The following NINL variants were observed in gnomAD, a reference collection of about 807,000 sequenced individuals.
NINL encodes ninein like.
Under a neutral mutation model 160.3 loss-of-function variants are expected in NINL, and 153 were observed. The observed-to-expected ratio is 0.95, with a 90% CI of 0.84 to 1.09. The LOEUF is 1.09. Among genes scored for constraint, NINL ranks in the 50% least tolerant of loss-of-function variants. The probability of loss-of-function intolerance (pLI) is 0.00; values close to 1 mark genes in which losing one functional copy is unlikely to be tolerated. For synonymous variants in NINL, 800 were observed against 734.8 expected (o/e 1.09, Z -1.43); for missense variants, 1,829 against 1,764.0 (o/e 1.04, Z -0.66).
chr20:25,515,890 C>T (rs2064152079), intron 3 of NINL, among the ~76,000 whole-genome samples: 1 of 152,182 alleles, frequency 6.6e-6, no homozygotes, highest in African/African-American at 2.4e-5. Flanking sequence ...CCTGCCTCGG[C>T]CTCCCAAGTG....
At position 25,558,733 on chromosome 20, in the gene NINL, C is replaced by A. The variant is rs557242112; in HGVS notation, c.-12+26722G>T. Among the ~76,000 whole-genome samples, 4 of 152,326 alleles carry A rather than the reference C, an allele frequency of 2.6e-5. No individual in the cohort carries two copies. The South Asian group carries it at 6.2e-4, about 24-fold the overall frequency. On this transcript the variant is annotated intron_variant, in intron 1 of 23. Coordinates refer to ENST00000278886, the MANE Select transcript of NINL (RefSeq NM_025176.6). ...CTTCCCACACCAAGGGACAAGAGGT[C>A]CTTGTTCCCTTCAGACTGTGTTTAG... is the stretch of plus-strand genomic sequence containing the variant.
intron 16 of NINL, among the ~76,000 whole-genome samples, chr20:25,478,232 G>A (rs1321307387): frequency 1.3e-5 from 2 of 152,164 alleles, no homozygotes; most frequent in South Asian, 2.1e-4. Context: ...ACAGGTGTGA[G>A]CCACCGCATC....
chr20:25,578,659 G>C (rs1295347468), intron 1 of NINL, among the ~76,000 whole-genome samples: 1 of 151,760 alleles, frequency 6.6e-6, no homozygotes, highest in Non-Finnish European at 1.5e-5. Context: ...CGGGCATGGT[G>C]GCGGGCGCAT....
At chr20:25,549,931 GA>G (rs369935599) in intron 1 of NINL, among the ~76,000 whole-genome samples, 106 of 152,304 alleles carry the variant, frequency 7.0e-4, no homozygotes, top group African/African-American at 2.5e-3. Context: ...TCTAAAAGGG[GA>G]AAACTTTTAG....
chr20:25,519,988 T>C (rs1226871610), intron 2 of NINL, among the ~76,000 whole-genome samples: 132 of 11,550 alleles, frequency 0.011, no homozygotes, highest in Admixed American at 0.026. Context: ...AGACCCCGTC[T>C]CAAAAAAAAA....
chr20:25,478,009 C>A (rs924387373), intron 16 of NINL, among the ~76,000 whole-genome samples: 1 of 147,112 alleles, frequency 6.8e-6, no homozygotes, highest in Admixed American at 7.0e-5. Flanking sequence ...AGTGCAATGG[C>A]GAGATCTCGG....
intron 1 of NINL, among the ~76,000 whole-genome samples, chr20:25,527,127 T>C (rs1265167732): frequency 6.6e-6 from 1 of 152,012 alleles, no homozygotes. Context: ...AAAACACTAC[T>C]ATTAATATTT....
intron 16 of NINL, 43 bp from the exon 17 acceptor site, chr20:25,477,132 C>CA (rs1258775101): frequency 6.6e-7 from 1 of 1,505,772 alleles, no homozygotes; most frequent in African/African-American, 1.4e-5. Flanking sequence ...CTGCCGCCCC[C>CA]AGCCCCTCTC....
At chr20:25,482,398 G>A (rs1012289314) in intron 13 of NINL, among the ~76,000 whole-genome samples, 1 of 152,198 alleles carries the variant, frequency 6.6e-6, no homozygotes, top group Non-Finnish European at 1.5e-5. Flanking sequence ...GAGTGCACTG[G>A]TGCAATCTCA....
chr20:25,458,448 C>A lies in NINL; in HGVS notation c.3778G>T (p.Ala1260Ser). ...AGGCTGAGCAGGCGATGCAGCTCGG[C>A]CACACGGTCCTGGGGCACCAGCCGG... ...EVRLVPQDRVAELHRLLSLQG... is the reference protein window; with the variant it reads ...EVRLVPQDRVSELHRLLSLQG... The change falls in exon 22 of 24, where the codon GCC becomes TCC. Residue 1260 changes from alanine to serine, a missense_variant. Physicochemically the swap from Ala to Ser is moderately conservative, Grantham distance 99 (BLOSUM62 1). Transcript: ENST00000278886. 1 of 1,605,598 alleles carries A rather than the reference C, an allele frequency of 6.2e-7. No homozygotes were observed.
At chr20:25,489,122 A>G (rs1041041911) in intron 13 of NINL, 122 bp downstream of exon 13, 1 of 968,376 alleles carries the variant, frequency 1.0e-6, no homozygotes, top group African/African-American at 1.6e-5. Flanking sequence ...GGCCATGGTC[A>G]AGCATGGCCG....
chr20:25,526,016 A>G (rs759300712), intron 2 of NINL, among the ~76,000 whole-genome samples: 5 of 152,202 alleles, frequency 3.3e-5, no homozygotes, highest in Non-Finnish European at 5.9e-5. Flanking sequence ...GAAATTGTGT[A>G]AGACAATCTG....
At chr20:25,523,604 T>C (rs2064301151) in intron 2 of NINL, among the ~76,000 whole-genome samples, 2 of 151,942 alleles carry the variant, frequency 1.3e-5, no homozygotes, top group South Asian at 2.1e-4. Context: ...TAATATCATA[T>C]ATGATAGTTA....
intron 17 of NINL, among the ~76,000 whole-genome samples, chr20:25,472,323 G>GGATA (rs2063114387): frequency 5.5e-5 from 3 of 54,628 alleles, no homozygotes; most frequent in South Asian, 7.4e-4. Flanking sequence ...TGGGAGGAGA[G>GGATA]GATATATATA....
At position 25,470,035 on chromosome 20, in the gene NINL, A is replaced by G; in HGVS notation, c.3309T>C (p.Val1103=). The G allele has an allele frequency of 1.2e-6, 2 of 1,614,168 alleles. No individual in the cohort carries two copies. Among genetic ancestry groups the G allele is most frequent in the East Asian group, 4.5e-5 (2 of 44,880 alleles). ...NTLLKNDLGR[V]RQELEAAEST... Reference sequence around the variant, plus strand: ...TTTCTGCAGCTTCAAGCTCTTGCCGAACCCTTCCCAGATCGTTTTTCAACA... The same window carrying G: ...TTTCTGCAGCTTCAAGCTCTTGCCGGACCCTTCCCAGATCGTTTTTCAACA... Residue 1103 remains valine, a synonymous_variant, in exon 18 of 24, where the codon GTT becomes GTC. Coordinates refer to ENST00000278886, the MANE Select transcript of NINL (RefSeq NM_025176.6).
intron 1 of NINL, among the ~76,000 whole-genome samples, chr20:25,554,485 T>C (rs2064841088): frequency 6.6e-6 from 1 of 152,004 alleles, no homozygotes; most frequent in Non-Finnish European, 1.5e-5. Flanking sequence ...TCACAATTTA[T>C]ACAAAACCTA....
At chr20:25,517,539 C>T (rs577289001) in intron 3 of NINL, among the ~76,000 whole-genome samples, 1 of 152,142 alleles carries the variant, frequency 6.6e-6, no homozygotes. Flanking sequence ...TCATCCATGG[C>T]GGGCACAGTG....
At chr20:25,514,460 T>G (rs1484799071) in intron 3 of NINL, among the ~76,000 whole-genome samples, 2 of 152,162 alleles carry the variant, frequency 1.3e-5, no homozygotes, top group Middle Eastern at 3.2e-3. Flanking sequence ...GGAAGCAAAG[T>G]GTGAAAGTTT....
intron 2 of NINL, among the ~76,000 whole-genome samples, chr20:25,520,033 T>G (rs2064235192): frequency 1.3e-5 from 1 of 74,500 alleles, no homozygotes; most frequent in Admixed American, 1.5e-4. Flanking sequence ...AGAGAGTATG[T>G]ATTGTGTATT....
Sources: gnomAD v4.1 joint callset for allele counts (sites outside exome capture counted in the v4.1 genomes callset) on GRCh38, gnomAD v4.1.1 for gene constraint, MANE v1.5 for transcripts, NCBI Gene and HGNC (gene_info 2026-07-23, HGNC 2026-07-21) for gene names.